EDA: variants seen among roughly 807,000 people sequenced by gnomAD.
The protein encoded by EDA is ectodysplasin-A.
Under a neutral mutation model 23.6 loss-of-function variants are expected in EDA, and 2 were observed. That is an observed-to-expected ratio of 0.08 (90% CI 0.03 to 0.27). EDA has a LOEUF of 0.27. Among genes scored for constraint, EDA ranks in the 10% least tolerant of loss-of-function variants. EDA has a pLI of 1.00. For synonymous variants in EDA, 131 were observed against 132.0 expected (o/e 0.99, Z 0.05); for missense variants, 229 against 324.2 (o/e 0.71, Z 2.26).
intron 1 of EDA, among the ~76,000 whole-genome samples, chrX:69,731,357 C>A (rs145312621): frequency 0.014 from 1,574 of 111,730 alleles, 20 homozygotes; most frequent in African/African-American, 0.046. Flanking sequence ...TTTTATCATG[C>A]TTACTTTGGC....
At chrX:69,718,385 A>G (rs1160304254) in intron 1 of EDA, among the ~76,000 whole-genome samples, 3 of 111,181 alleles carry the variant, frequency 2.7e-5, no homozygotes, top group Admixed American at 1.9e-4. Flanking sequence ...TATCTTAAGG[A>G]AAAAATACTC....
At chrX:69,623,117 C>A (rs1378264898) in intron 1 of EDA, among the ~76,000 whole-genome samples, 3 of 112,278 alleles carry the variant, frequency 2.7e-5, no homozygotes, top group East Asian at 2.8e-4. Context: ...AAAGCAACTC[C>A]TTTCACCTTG....
At chrX:69,941,289 G>A (rs750577647) in intron 1 of EDA, among the ~76,000 whole-genome samples, 2 of 111,569 alleles carry the variant, frequency 1.8e-5, no homozygotes, top group Non-Finnish European at 3.8e-5. Flanking sequence ...GGTCCATTTG[G>A]TCTATAGTGC....
intron 1 of EDA, among the ~76,000 whole-genome samples, chrX:69,725,623 A>G (rs1272593007): frequency 8.9e-6 from 1 of 112,211 alleles, no homozygotes; most frequent in Non-Finnish European, 1.9e-5. Context: ...TTGTTTTCCC[A>G]AAGTTTGAAG....
intron 1 of EDA, among the ~76,000 whole-genome samples, chrX:69,922,855 A>G (rs1938029): frequency 0.2 from 22,600 of 110,341 alleles, 1,779 homozygotes; most frequent in African/African-American, 0.24. Context: ...AAGTAGAGGG[A>G]GTTTTGTTGG....
intron 1 of EDA, among the ~76,000 whole-genome samples, chrX:69,778,879 G>A (rs2014862229): frequency 9.0e-6 from 1 of 111,547 alleles, no homozygotes; most frequent in African/African-American, 3.2e-5. Context: ...TTTCTTTAAA[G>A]GACCAGAGAA....
At chrX:69,670,894 TTTTCAGGTAA>T (rs1933869709) in intron 1 of EDA, among the ~76,000 whole-genome samples, 2 of 111,989 alleles carry the variant, frequency 1.8e-5, no homozygotes, top group Non-Finnish European at 3.8e-5. Context: ...TTTGAACTCA[TTTTCAGGTAA>T]TTTGTAAGTT....
At chrX:69,694,518 G>T (rs930909741) in intron 1 of EDA, among the ~76,000 whole-genome samples, 5 of 111,881 alleles carry the variant, frequency 4.5e-5, no homozygotes, top group African/African-American at 1.6e-4. Context: ...CTACTTGTCA[G>T]AGTCCTTTCC....
intron 1 of EDA, chrX:69,861,109 G>T (rs1335696823): frequency 1.3e-5 from 5 of 386,902 alleles, no homozygotes; most frequent in African/African-American, 1.3e-4. Flanking sequence ...ACTTCCAAAA[G>T]ATGTACTTCA....
chrX:69,772,143 A>G (rs1010444655), intron 1 of EDA, among the ~76,000 whole-genome samples: 1 of 110,821 alleles, frequency 9.0e-6, no homozygotes, highest in Non-Finnish European at 1.9e-5. Flanking sequence ...AATATTTTCT[A>G]GAGACAAGTT....
At chrX:69,694,811 A>G (rs1020066926) in intron 1 of EDA, among the ~76,000 whole-genome samples, 18 of 112,071 alleles carry the variant, frequency 1.6e-4, no homozygotes, top group African/African-American at 5.5e-4. Flanking sequence ...ATCCATGCAA[A>G]TATAACTCAA....
At chrX:69,909,228 G>T (rs2018222204) in intron 1 of EDA, among the ~76,000 whole-genome samples, 1 of 111,564 alleles carries the variant, frequency 9.0e-6, no homozygotes, top group African/African-American at 3.3e-5. Context: ...CACCTGTAGT[G>T]ATAATCAGAG....
intron 1 of EDA, among the ~76,000 whole-genome samples, chrX:69,778,272 A>C (rs1158079731): frequency 9.0e-6 from 1 of 111,587 alleles, no homozygotes; most frequent in Non-Finnish European, 1.9e-5. Flanking sequence ...TTTGGATTCA[A>C]GCTGGCGAGC....
intron 1 of EDA, among the ~76,000 whole-genome samples, chrX:69,840,116 C>T (rs1053307955): frequency 4.5e-5 from 5 of 111,004 alleles, no homozygotes; most frequent in Non-Finnish European, 9.4e-5. Flanking sequence ...TCCAGCCACA[C>T]TGGCCTTTTT....
chrX:69,903,803 G>A (rs997867421), intron 1 of EDA, among the ~76,000 whole-genome samples: 1 of 109,452 alleles, frequency 9.1e-6, no homozygotes, highest in South Asian at 4.0e-4. Flanking sequence ...ATATGTATGG[G>A]GTACATGTGA....
At position 69,819,249 on chromosome X, in the gene EDA, C is replaced by T. The variant is rs182625815; in HGVS notation, c.397-137778C>T. On this transcript the variant is annotated intron_variant, in intron 1 of 7. Transcript: ENST00000374552. Reference sequence around the variant, plus strand: ...TAATAAGAGCCATATATGACAAACCCATAGCCAGTATCATACTGAATGGGC... The same window carrying T: ...TAATAAGAGCCATATATGACAAACCTATAGCCAGTATCATACTGAATGGGC... 2.7e-5 allele frequency among the ~76,000 whole-genome samples: 3 copies of T among 111,774 alleles called. No individual in the cohort carries two copies. In the Admixed American group the frequency reaches 2.8e-4, roughly 11 times the overall value.
intron 1 of EDA, among the ~76,000 whole-genome samples, chrX:69,643,458 T>C (rs148013372): frequency 0.012 from 1,282 of 110,927 alleles, 15 homozygotes; most frequent in African/African-American, 0.04. Context: ...TGTTTGTTTA[T>C]TTTTTTCTTG....
Position 70,016,622 on chromosome X carries a change from G to A in EDA, c.503-6596G>A, listed in dbSNP as rs185187643. 1.4e-4 allele frequency among the ~76,000 whole-genome samples: 16 copies of A among 111,868 alleles called. No homozygotes were observed. In the East Asian group the frequency reaches 3.9e-3, roughly 28 times the overall value. ...CCATACAAATAACCTGCTCCTGAATGACTTCTGGGAAAATAATGAAATTAA... is the reference window on the plus strand; with the variant it reads ...CCATACAAATAACCTGCTCCTGAATAACTTCTGGGAAAATAATGAAATTAA... On this transcript the variant is annotated intron_variant, in intron 2 of 7. Coordinates refer to ENST00000374552, the MANE Select transcript of EDA (RefSeq NM_001399.5).
intron 1 of EDA, among the ~76,000 whole-genome samples, chrX:69,727,350 T>C (rs1356438895): frequency 8.9e-6 from 1 of 112,154 alleles, no homozygotes; most frequent in African/African-American, 3.2e-5. Flanking sequence ...CATTTAGGGC[T>C]GTGGATTTCC....
Sources: allele counts gnomAD v4.1 joint callset (sites outside exome capture counted in the v4.1 genomes callset), GRCh38; gene constraint gnomAD v4.1.1; transcripts MANE v1.5; gene names NCBI Gene and HGNC (gene_info 2026-07-23, HGNC 2026-07-21).